The following ZNF343 variants were observed in gnomAD, a reference collection of about 807,000 sequenced individuals.
ZNF343 encodes the protein zinc finger protein 343.
A neutral mutation model predicts 13.8 loss-of-function variants in ZNF343; 11 were observed. The observed-to-expected ratio is 0.80, with a 90% CI of 0.50 to 1.32. The LOEUF (loss-of-function observed/expected upper bound fraction) is 1.32, where lower values mean the gene tolerates loss of function less well. Ranked by LOEUF, ZNF343 falls within the 40% of genes most tolerant of loss-of-function variation. The pLI, the probability that ZNF343 is intolerant of heterozygous loss-of-function variation, is 0.00. For synonymous variants in ZNF343, 248 were observed against 260.0 expected (o/e 0.95, Z 0.44); for missense variants, 658 against 714.2 (o/e 0.92, Z 0.90).
chr20:2,516,944 C>T (rs1222616194), intron 1 of ZNF343, among the ~76,000 whole-genome samples: 1 of 152,036 alleles, frequency 6.6e-6, no homozygotes, highest in Non-Finnish European at 1.5e-5. Flanking sequence ...GTCACTGTCA[C>T]GGTCATTACT....
chr20:2,509,629 G>GGAGGCT (rs1258438699), upstream of ZNF343, among the ~76,000 whole-genome samples: 4 of 152,084 alleles, frequency 2.6e-5, no homozygotes, highest in Admixed American at 1.3e-4. Flanking sequence ...TAACCCCGAG[G>GGAGGCT]GAGGCTGAGG....
chr20:2,494,027 T>C lies in ZNF343; in HGVS notation c.-132A>G. On this transcript the variant is annotated 5_prime_UTR_variant, in exon 3 of 6. Transcript: ENST00000278772. Reference sequence around the variant, plus strand: ...CCTTAATTATAAAAAGCCCAGCTTGTTTCCCTGCAGCCAGGACCTGTGGGA... The same window carrying C: ...CCTTAATTATAAAAAGCCCAGCTTGCTTCCCTGCAGCCAGGACCTGTGGGA... The C allele has an allele frequency of 2.8e-6, 2 of 702,860 alleles. No individual in the cohort carries two copies. Among genetic ancestry groups the C allele is most frequent in the Non-Finnish European group, 5.0e-6 (2 of 402,518 alleles). 43.5% of individuals were successfully genotyped at this position (702,860 alleles called of 1,614,324 possible). A position where few individuals can be genotyped will look rare whatever the true frequency, so the allele number is the denominator to read the frequency against.
intron 2 of ZNF343, chr20:2,495,576 T>C (rs2085444507): frequency 6.6e-6 from 1 of 152,178 alleles, no homozygotes; most frequent in African/African-American, 2.4e-5. Flanking sequence ...ACCTGCAGTA[T>C]AACGTAGCTG....
chr20:2,487,737 T>G (rs2122568182), intron 5 of ZNF343, among the ~76,000 whole-genome samples: 1 of 152,382 alleles, frequency 6.6e-6, no homozygotes, highest in South Asian at 2.1e-4. Context: ...CGTTACATGT[T>G]GCCAAATTTC....
At chr20:2,493,738 G>A in intron 3 of ZNF343, 40 bp downstream of exon 3, 1 of 1,552,758 alleles carries the variant, frequency 6.4e-7, no homozygotes, top group Non-Finnish European at 8.9e-7. Flanking sequence ...TGGAGCCTTG[G>A]CTTCCTCTTC....
intron 2 of ZNF343, among the ~76,000 whole-genome samples, chr20:2,497,496 G>C (rs182691735): frequency 2.6e-5 from 4 of 152,302 alleles, no homozygotes; most frequent in African/African-American, 9.6e-5. Context: ...AGAAGAGATC[G>C]ACCACAGGAA....
At chr20:2,501,035 G>T (rs1311779873) in intron 1 of ZNF343, among the ~76,000 whole-genome samples, 1 of 152,192 alleles carries the variant, frequency 6.6e-6, no homozygotes, top group East Asian at 1.9e-4. Flanking sequence ...GGAAGTGCAA[G>T]GGGTCAGGGA....
At chr20:2,501,332 C>G (rs1358024064) in intron 1 of ZNF343, among the ~76,000 whole-genome samples, 1 of 152,210 alleles carries the variant, frequency 6.6e-6, no homozygotes, top group Non-Finnish European at 1.5e-5. Context: ...GGGTGAAGCC[C>G]ACTGCAGCTC....
chr20:2,496,088 C>CA (rs1469189507), intron 2 of ZNF343, among the ~76,000 whole-genome samples: 1 of 151,440 alleles, frequency 6.6e-6, no homozygotes, highest in African/African-American at 2.4e-5. Context: ...AGGAGATGGA[C>CA]AAAAAAAATA....
chr20:2,493,400 T>A, intron 4 of ZNF343, 119 bp downstream of exon 4: 1 of 914,834 alleles, frequency 1.1e-6, no homozygotes, highest in Non-Finnish European at 1.8e-6. Flanking sequence ...AGCCTAATGC[T>A]TCACTCATCT....
chr20:2,495,666 CT>C (rs949915690), intron 2 of ZNF343: 14 of 146,742 alleles, frequency 9.5e-5, no homozygotes, highest in East Asian at 2.0e-4. Context: ...TAAGTGCAGA[CT>C]TTTTTTTTTC....
At chr20:2,498,116 G>A (rs1345670734) in intron 2 of ZNF343, among the ~76,000 whole-genome samples, 1 of 152,194 alleles carries the variant, frequency 6.6e-6, no homozygotes, top group Non-Finnish European at 1.5e-5. Flanking sequence ...CAGCATTTTG[G>A]GAGGCTGAGG....
chr20:2,501,182 G>A (rs1300601972), intron 1 of ZNF343, among the ~76,000 whole-genome samples: 1 of 152,166 alleles, frequency 6.6e-6, no homozygotes, highest in Non-Finnish European at 1.5e-5. Context: ...GGCTCAGTGG[G>A]TCCTACGCCC....
In ZNF343 at chr20:2,506,102, AAAAC is replaced by A. The variant is rs988960634; in HGVS notation, c.-237+2775_-237+2778del. Among the ~76,000 whole-genome samples, 202 of 152,360 alleles carry A rather than the reference AAAAC, an allele frequency of 1.3e-3. 1 individual carries two copies. Among genetic ancestry groups the A allele is most frequent in the African/African-American group, 4.2e-3 (174 of 41,576 alleles). On this transcript the variant is annotated intron_variant, in intron 1 of 5. Coordinates refer to ENST00000278772, the MANE Select transcript of ZNF343 (RefSeq NM_024325.6). ...TGAACTCCAACAAATTTACAAGAAAAAAACAAACAACCCCATCAGCAAGTGGGTG... is the reference window on the plus strand; with the variant it reads ...TGAACTCCAACAAATTTACAAGAAAAAAACAACCCCATCAGCAAGTGGGTG...
intron 1 of ZNF343, among the ~76,000 whole-genome samples, chr20:2,519,468 A>G (rs530222554): frequency 6.6e-6 from 1 of 152,350 alleles, no homozygotes; most frequent in South Asian, 2.1e-4. Flanking sequence ...GAACAAGAGG[A>G]AATTCTTCAG....
rs568878292 is a variant in ZNF343, at chr20:2,507,773, C to T, written c.-237+1108G>A. Among the ~76,000 whole-genome samples the T allele has an allele frequency of 2.0e-5, 3 of 152,312 alleles. No homozygotes were observed. The East Asian group carries it at 5.8e-4, about 29-fold the overall frequency. On this transcript the variant is annotated intron_variant, in intron 1 of 5. Coordinates refer to ENST00000278772, the MANE Select transcript of ZNF343 (RefSeq NM_024325.6). ...ACAAATGTGGAATCTGGTGACAGGT[C>T]CGTGGCAGTTCACTGAATAGCTCTA...
chr20:2,524,549 C>T (rs1284517492), upstream of ZNF343: 3 of 152,472 alleles, frequency 2.0e-5, no homozygotes, highest in Admixed American at 2.0e-4. Context: ...CAAGTCCCAA[C>T]TTGGCCAACA....
At chr20:2,504,433 C>T (rs1013083988) in intron 1 of ZNF343, among the ~76,000 whole-genome samples, 14 of 152,178 alleles carry the variant, frequency 9.2e-5, no homozygotes, top group African/African-American at 1.4e-4. Context: ...AGAAGGAATC[C>T]TCCCTAACTC....
intron 1 of ZNF343, among the ~76,000 whole-genome samples, chr20:2,519,858 A>T (rs980216770): frequency 6.6e-6 from 1 of 152,174 alleles, no homozygotes; most frequent in Non-Finnish European, 1.5e-5. Flanking sequence ...CCATAGGGAG[A>T]TGACTCTGAT....
Sources: gnomAD v4.1 joint callset for allele counts (sites outside exome capture counted in the v4.1 genomes callset) on GRCh38, gnomAD v4.1.1 for gene constraint, MANE v1.5 for transcripts, NCBI Gene and HGNC (gene_info 2026-07-23, HGNC 2026-07-21) for gene names.